Variants in SLIT3 observed in about 807,000 individuals in gnomAD.
SLIT3 encodes slit homolog 3 protein.
Under a neutral mutation model 184.0 loss-of-function variants are expected in SLIT3, and 68 were observed. That is an observed-to-expected ratio of 0.37 (90% CI 0.30 to 0.45). SLIT3 has a LOEUF of 0.45. Ranked by LOEUF, SLIT3 falls within the 20% of genes least tolerant of loss-of-function variation. SLIT3 has a pLI of 1.00. For synonymous variants in SLIT3, 831 were observed against 828.6 expected (o/e 1.00, Z -0.05); for missense variants, 1,707 against 2,026.0 (o/e 0.84, Z 3.02).
chr5:168,961,380 C>T (rs1320479401), intron 4 of SLIT3, among the ~76,000 whole-genome samples: 2 of 152,184 alleles, frequency 1.3e-5, no homozygotes, highest in Non-Finnish European at 2.9e-5. Context: ...ATTAACAAAA[C>T]TAAAAGCTGT....
intron 3 of SLIT3, among the ~76,000 whole-genome samples, chr5:169,240,086 T>C (rs1383980738): frequency 6.6e-6 from 1 of 152,058 alleles, no homozygotes; most frequent in Non-Finnish European, 1.5e-5. Flanking sequence ...TTTCTACTTT[T>C]CTTATTAACT....
At chr5:168,804,637 C>A (rs895038535) in intron 9 of SLIT3, among the ~76,000 whole-genome samples, 1 of 152,184 alleles carries the variant, frequency 6.6e-6, no homozygotes, top group African/African-American at 2.4e-5. Context: ...AGAAAGGACT[C>A]TTTACTAACC....
At chr5:168,919,903 C>T (rs1761581791) in intron 4 of SLIT3, among the ~76,000 whole-genome samples, 1 of 151,518 alleles carries the variant, frequency 6.6e-6, no homozygotes, top group African/African-American at 2.4e-5. Context: ...GATGTACACT[C>T]AATTTGATAT....
At chr5:168,941,482 A>G (rs1762331469) in intron 4 of SLIT3, among the ~76,000 whole-genome samples, 1 of 152,224 alleles carries the variant, frequency 6.6e-6, no homozygotes. Flanking sequence ...TGTCTGGTAC[A>G]TAGTACATGT....
At chr5:169,087,104 C>T (rs1759333438) in intron 4 of SLIT3, among the ~76,000 whole-genome samples, 1 of 152,166 alleles carries the variant, frequency 6.6e-6, no homozygotes, top group South Asian at 2.1e-4. Context: ...TTGCACCCTC[C>T]CGGCATGCTA....
chr5:169,075,000 A>G (rs1224458002), intron 4 of SLIT3, among the ~76,000 whole-genome samples: 2 of 152,174 alleles, frequency 1.3e-5, no homozygotes, highest in African/African-American at 4.8e-5. Flanking sequence ...GAGCTCTGCT[A>G]TTGAGCTGTT....
intron 6 of SLIT3, among the ~76,000 whole-genome samples, chr5:168,834,900 G>A (rs1452858269): frequency 6.6e-6 from 1 of 152,010 alleles, no homozygotes; most frequent in Non-Finnish European, 1.5e-5. Context: ...TCCAGACAGG[G>A]TACCCACCCA....
intron 5 of SLIT3, among the ~76,000 whole-genome samples, chr5:168,846,815 A>T (rs151269408): frequency 7.6e-4 from 116 of 152,210 alleles, no homozygotes; most frequent in African/African-American, 2.8e-3. Context: ...TCTTTTTGAG[A>T]ACACCAGAAA....
In SLIT3 at chr5:168,940,375, C is replaced by A. The variant is rs546064247; in HGVS notation, c.414-57039G>T. Among the ~76,000 whole-genome samples the A allele has an allele frequency of 2.0e-5, 3 of 152,242 alleles. No homozygotes were observed. The South Asian group carries it at 6.2e-4, about 32-fold the overall frequency. On this transcript the variant is annotated intron_variant, in intron 4 of 35. Coordinates refer to ENST00000519560, the MANE Select transcript of SLIT3 (RefSeq NM_003062.4). ...GAAAGAAGGTGATTCCCCATAGCTG[C>A]AAATCAACAGTTAAGAAGAACCACA... is the stretch of plus-strand genomic sequence containing the variant.
intron 14 of SLIT3, 37 bp from the exon 15 acceptor site, chr5:168,762,726 G>T (rs754576973): frequency 6.2e-7 from 1 of 1,604,092 alleles, no homozygotes; most frequent in Admixed American, 1.7e-5. Flanking sequence ...AGCGTCACCC[G>T]AGTTCCACGC....
At chr5:168,879,467 C>T (rs750408124) in intron 5 of SLIT3, among the ~76,000 whole-genome samples, 9 of 152,078 alleles carry the variant, frequency 5.9e-5, no homozygotes, top group Non-Finnish European at 8.8e-5. Context: ...TTCCATGTGC[C>T]GATGCATATT....
intron 12 of SLIT3, among the ~76,000 whole-genome samples, chr5:168,781,758 C>A (rs1166497711): frequency 6.6e-6 from 1 of 152,182 alleles, no homozygotes; most frequent in African/African-American, 2.4e-5. Context: ...GATCAAAAAA[C>A]CGGCTCTGCA....
intron 4 of SLIT3, among the ~76,000 whole-genome samples, chr5:168,931,462 T>C (rs1483281361): frequency 6.6e-6 from 1 of 152,172 alleles, no homozygotes; most frequent in African/African-American, 2.4e-5. Context: ...AAGAGAGACA[T>C]GGCCCCTGGT....
At chr5:169,148,648 A>G (rs982599062) in intron 4 of SLIT3, among the ~76,000 whole-genome samples, 12 of 152,232 alleles carry the variant, frequency 7.9e-5, no homozygotes, top group Admixed American at 7.8e-4. Context: ...GTCATCTCGC[A>G]TAAACAATCC....
At chr5:168,866,528 C>T (rs939633157) in intron 5 of SLIT3, among the ~76,000 whole-genome samples, 1 of 152,202 alleles carries the variant, frequency 6.6e-6, no homozygotes, top group African/African-American at 2.4e-5. Flanking sequence ...TGCCGAACAG[C>T]ACACAGGAAA....
At chr5:169,175,764 C>T (rs934624282) in intron 4 of SLIT3, among the ~76,000 whole-genome samples, 7 of 152,226 alleles carry the variant, frequency 4.6e-5, no homozygotes, top group Admixed American at 1.3e-4. Flanking sequence ...CTTTCCTACA[C>T]ACCACCTTTC....
intron 3 of SLIT3, among the ~76,000 whole-genome samples, chr5:169,213,872 C>T (rs925914218): frequency 2.0e-5 from 3 of 152,118 alleles, no homozygotes; most frequent in African/African-American, 7.2e-5. Flanking sequence ...GAAAAATGTG[C>T]ATAATAGTGA....
chr5:168,898,007 G>C (rs1760744170), intron 4 of SLIT3, among the ~76,000 whole-genome samples: 1 of 152,198 alleles, frequency 6.6e-6, no homozygotes, highest in African/African-American at 2.4e-5. Flanking sequence ...GTCCCCCTCA[G>C]CTCAGAAGCC....
chr5:168,912,946 AT>A (rs1264797960), intron 4 of SLIT3, among the ~76,000 whole-genome samples: 1 of 152,100 alleles, frequency 6.6e-6, no homozygotes, highest in Non-Finnish European at 1.5e-5. Flanking sequence ...CGGCTTAGGT[AT>A]TCCACCCTGT....
Sources: allele counts gnomAD v4.1 joint callset (sites outside exome capture counted in the v4.1 genomes callset), GRCh38; gene constraint gnomAD v4.1.1; transcripts MANE v1.5; gene names NCBI Gene and HGNC (gene_info 2026-07-23, HGNC 2026-07-21).